NBEA: variants seen among roughly 807,000 people sequenced by gnomAD.
The protein encoded by NBEA is neurobeachin.
Under a neutral mutation model 343.4 loss-of-function variants are expected in NBEA, and 44 were observed. That is an observed-to-expected ratio of 0.13 (90% CI 0.10 to 0.16). The LOEUF (loss-of-function observed/expected upper bound fraction) is 0.16. NBEA is among the 10% of genes least tolerant of loss of function. The pLI is 1.00. For synonymous variants in NBEA, 1,175 were observed against 1,238.7 expected (o/e 0.95, Z 1.08); for missense variants, 2,555 against 3,631.3 (o/e 0.70, Z 7.62).
Position 35,654,910 on chromosome 13 carries a change from A to T in NBEA, c.8091A>T (p.Ile2697=), listed in dbSNP as rs569093473. The T allele has an allele frequency of 6.3e-7, 1 of 1,591,964 alleles. No individual in the cohort carries two copies. Among genetic ancestry groups the T allele is most frequent in the East Asian group, 2.3e-5 (1 of 43,322 alleles). ...RQITDLVDQS[I]QINAHCFVVT... The stretch of plus-strand genomic sequence containing the variant: ...TCACAGACCTCGTTGACCAGAGTAT[A>T]CAAATCAATGCACATTGTTTTGTGG... Residue 2697 remains isoleucine (I), a synonymous_variant, in exon 54 of 59, where the codon ATA becomes ATT. Transcript: ENST00000379939.
intron 33 of NBEA, among the ~76,000 whole-genome samples, chr13:35,226,836 A>G (rs369752815): frequency 3.5e-4 from 54 of 152,176 alleles, no homozygotes; most frequent in African/African-American, 1.3e-3. Context: ...CCTGGGCTCA[A>G]GTGATTTTCC....
At chr13:34,966,864 C>A (rs1024629018) in intron 1 of NBEA, among the ~76,000 whole-genome samples, 1 of 151,672 alleles carries the variant, frequency 6.6e-6, no homozygotes, top group African/African-American at 2.4e-5. Flanking sequence ...TTTGCATATT[C>A]ATGAAATATT....
intron 36 of NBEA, among the ~76,000 whole-genome samples, chr13:35,342,442 A>G (rs11842606): frequency 0.21 from 32,478 of 151,980 alleles, 3,891 homozygotes; most frequent in African/African-American, 0.32. Flanking sequence ...GTTTATCCCC[A>G]AGAGAACAGC....
intron 38 of NBEA, among the ~76,000 whole-genome samples, chr13:35,414,235 CTT>C (rs10717158): frequency 6.6e-6 from 1 of 151,626 alleles, no homozygotes; most frequent in Non-Finnish European, 1.5e-5. Context: ...TACAGTTACT[CTT>C]TTTTTTATTA....
intron 29 of NBEA, 53 bp downstream of exon 29, chr13:35,182,581 T>C: frequency 6.7e-7 from 1 of 1,503,422 alleles, no homozygotes; most frequent in Non-Finnish European, 9.0e-7. Flanking sequence ...ATCTCCTTTT[T>C]TTCACCTTTA....
chr13:34,967,107 T>G (rs975805277), intron 1 of NBEA, among the ~76,000 whole-genome samples: 3 of 151,920 alleles, frequency 2.0e-5, no homozygotes, highest in Non-Finnish European at 4.4e-5. Flanking sequence ...AAAGCTTAAT[T>G]TTATTTATAT....
chr13:35,135,028 T>C (rs1238059149), intron 17 of NBEA, among the ~76,000 whole-genome samples: 5 of 152,030 alleles, frequency 3.3e-5, no homozygotes, highest in Non-Finnish European at 7.4e-5. Flanking sequence ...CACATATACA[T>C]AGTACTTTTC....
chr13:35,139,658 G>T (rs1427793454), intron 17 of NBEA, among the ~76,000 whole-genome samples: 1 of 149,808 alleles, frequency 6.7e-6, no homozygotes, highest in African/African-American at 2.5e-5. Context: ...CACAGAGCTA[G>T]GTCTTTCATT....
At chr13:35,461,352 CT>C (rs1225596040) in intron 40 of NBEA, among the ~76,000 whole-genome samples, 1 of 152,112 alleles carries the variant, frequency 6.6e-6, no homozygotes, top group Admixed American at 6.5e-5. Flanking sequence ...TGATTTTCTA[CT>C]TTTTTCTCTG....
intron 41 of NBEA, among the ~76,000 whole-genome samples, chr13:35,487,972 T>C (rs2076363476): frequency 6.6e-6 from 1 of 151,848 alleles, no homozygotes; most frequent in African/African-American, 2.4e-5. Flanking sequence ...TCACATGAGC[T>C]TTTTGGGCAT....
At position 35,308,502 on chromosome 13, in the gene NBEA, ATATATATATGTG is replaced by A. The variant is rs2037098259; in HGVS notation, c.5839-1018_5839-1007del. Among the ~76,000 whole-genome samples the A allele has an allele frequency of 8.0e-4, 75 of 93,194 alleles. 2 individuals are homozygous for A. The highest frequency in any genetic ancestry group is 3.4e-3 in the African/African-American group (70 of 20,798). The allele number at this position is 93,194 out of a possible 152,430, so 61.1% of individuals were successfully genotyped here. ...TATATATATGTGTATATATATGTGT[ATATATATATGTG>A]TATATATGTATATATATGTATATAT... On this transcript the variant is annotated intron_variant, in intron 35 of 58. Coordinates refer to ENST00000379939, the MANE Select transcript of NBEA (RefSeq NM_001385012.1).
intron 6 of NBEA, among the ~76,000 whole-genome samples, chr13:35,053,713 C>A (rs970693347): frequency 6.6e-6 from 1 of 151,964 alleles, no homozygotes; most frequent in Non-Finnish European, 1.5e-5. Flanking sequence ...TCAATTTTAG[C>A]ATAAACAAAC....
chr13:35,645,383 A>T (rs989501221), intron 49 of NBEA, among the ~76,000 whole-genome samples: 2 of 152,216 alleles, frequency 1.3e-5, no homozygotes, highest in African/African-American at 2.4e-5. Flanking sequence ...TAATATATGG[A>T]AATATTTTGC....
In NBEA at chr13:35,330,922, T is replaced by C. The variant is rs74048997; in HGVS notation, c.5904-18186T>C. The stretch of plus-strand genomic sequence containing the variant: ...GCCTCAGTGTTCAGATCTTTGTAAT[T>C]TTACAGCCTATGAAAATGAGTAAAT... On this transcript the variant is annotated intron_variant, in intron 36 of 58. Coordinates refer to ENST00000379939, the MANE Select transcript of NBEA (RefSeq NM_001385012.1). 3.7e-3 allele frequency among the ~76,000 whole-genome samples: 563 copies of C among 152,168 alleles called. 7 individuals carry two copies. Among genetic ancestry groups the C allele is most frequent in the African/African-American group, 0.013 (536 of 41,552 alleles).
At chr13:35,484,288 A>ATG (rs2076232585) in intron 41 of NBEA, among the ~76,000 whole-genome samples, 4 of 148,234 alleles carry the variant, frequency 2.7e-5, no homozygotes, top group Non-Finnish European at 5.9e-5. Flanking sequence ...ATATATATAT[A>ATG]TATATGTAGA....
intron 45 of NBEA, among the ~76,000 whole-genome samples, chr13:35,580,961 A>G (rs929357919): frequency 6.6e-6 from 1 of 152,188 alleles, no homozygotes; most frequent in Non-Finnish European, 1.5e-5. Flanking sequence ...AAAAGATTAG[A>G]GGAAGAGACA....
intron 35 of NBEA, among the ~76,000 whole-genome samples, chr13:35,294,343 A>C (rs1053264517): frequency 5.3e-5 from 8 of 152,000 alleles, no homozygotes; most frequent in African/African-American, 1.9e-4. Context: ...AAAGAAAAAA[A>C]TATACTTTTC....
chr13:35,111,033 G>C, intron 13 of NBEA, 55 bp downstream of exon 13: 1 of 1,446,518 alleles, frequency 6.9e-7, no homozygotes. Context: ...TCTGTATTCT[G>C]AGTACTGTTA....
chr13:35,432,519 G>C, intron 39 of NBEA, 126 bp downstream of exon 39: 1 of 841,616 alleles, frequency 1.2e-6, no homozygotes, highest in East Asian at 3.1e-5. Context: ...GAAATATTTT[G>C]TTCTGCTTTA....
Sources: gnomAD v4.1 joint callset for allele counts (sites outside exome capture counted in the v4.1 genomes callset) on GRCh38, gnomAD v4.1.1 for gene constraint, MANE v1.5 for transcripts, NCBI Gene and HGNC (gene_info 2026-07-23, HGNC 2026-07-21) for gene names.